Variants in SUSD4 observed in about 807,000 individuals in gnomAD.
SUSD4 encodes sushi domain containing 4.
A neutral mutation model predicts 50.5 loss-of-function variants in SUSD4; 41 were observed. That is an observed-to-expected ratio of 0.81 (90% confidence interval 0.63 to 1.05). The LOEUF is 1.05. SUSD4 is among the 50% of genes least tolerant of loss of function. The probability of loss-of-function intolerance (pLI) is 0.00; values close to 1 mark genes in which losing one functional copy is unlikely to be tolerated. For synonymous variants in SUSD4, 257 were observed against 257.3 expected (o/e 1.00, Z 0.01); for missense variants, 580 against 634.7 (o/e 0.91, Z 0.93).
chr1:223,321,321 T>C (rs189430287), intron 2 of SUSD4, among the ~76,000 whole-genome samples: 1 of 152,334 alleles, frequency 6.6e-6, no homozygotes, highest in East Asian at 1.9e-4. Context: ...TTTCTAGCTG[T>C]GTGACTTGGG....
intron 2 of SUSD4, among the ~76,000 whole-genome samples, chr1:223,357,280 T>C (rs1441236324): frequency 6.6e-6 from 1 of 152,240 alleles, no homozygotes; most frequent in Admixed American, 6.5e-5. Flanking sequence ...TTCTGCTTTT[T>C]GCTCACAACA....
intron 3 of SUSD4, among the ~76,000 whole-genome samples, chr1:223,289,743 A>G (rs984171721): frequency 3.9e-5 from 6 of 152,318 alleles, no homozygotes; most frequent in Middle Eastern, 6.8e-3. Flanking sequence ...CTAAATCGGA[A>G]TGAGGGCTTG....
Position 223,283,376 on chromosome 1 carries a change from A to T in SUSD4, c.361+9063T>A, listed in dbSNP as rs1034265823. Among the ~76,000 whole-genome samples, 12 of 152,338 alleles carry T rather than the reference A, an allele frequency of 7.9e-5. No individual in the cohort carries two copies. The East Asian group carries it at 2.3e-3, about 29-fold the overall frequency. On this transcript the variant is annotated intron_variant, in intron 3 of 8. Transcript: ENST00000366878. ...CTAGAATCTACAAATAAATGAAACAAATTTACAAGAAAAAAACAAACAACC... is the reference window on the plus strand; with the variant it reads ...CTAGAATCTACAAATAAATGAAACATATTTACAAGAAAAAAACAAACAACC...
chr1:223,235,860 A>C (rs982014052), intron 5 of SUSD4, among the ~76,000 whole-genome samples: 10 of 152,298 alleles, frequency 6.6e-5, no homozygotes, highest in Non-Finnish European at 1.2e-4. Context: ...ATAAGTTTTC[A>C]GTTTCTTTGG....
At chr1:223,269,730 C>T (rs1662775747) in intron 3 of SUSD4, among the ~76,000 whole-genome samples, 1 of 152,180 alleles carries the variant, frequency 6.6e-6, no homozygotes, top group Non-Finnish European at 1.5e-5. Flanking sequence ...CCAAGAACAG[C>T]ATTTTGTGAA....
chr1:223,317,850 T>TTC (rs1370880652), intron 2 of SUSD4, among the ~76,000 whole-genome samples: 64 of 104,424 alleles, frequency 6.1e-4, no homozygotes, highest in African/African-American at 1.6e-3. Flanking sequence ...TTTTTTTTTT[T>TTC]CTTTTTTTTT....
chr1:223,228,060 T>C (rs370370658), intron 6 of SUSD4, among the ~76,000 whole-genome samples: 12 of 152,338 alleles, frequency 7.9e-5, no homozygotes, highest in African/African-American at 2.9e-4. Context: ...GGCATCTCTC[T>C]TGCCTGGAGA....
At chr1:223,309,109 T>C (rs1665722620) in intron 2 of SUSD4, among the ~76,000 whole-genome samples, 1 of 152,088 alleles carries the variant, frequency 6.6e-6, no homozygotes, top group Non-Finnish European at 1.5e-5. Flanking sequence ...CAATCAACCA[T>C]CTCTTAACAG....
At chr1:223,249,987 G>A (rs976299950) in intron 5 of SUSD4, among the ~76,000 whole-genome samples, 1 of 152,206 alleles carries the variant, frequency 6.6e-6, no homozygotes, top group Non-Finnish European at 1.5e-5. Context: ...GGATTAATGA[G>A]AGACTCTAGA....
At chr1:223,329,969 G>A (rs1667089211) in intron 2 of SUSD4, among the ~76,000 whole-genome samples, 1 of 152,150 alleles carries the variant, frequency 6.6e-6, no homozygotes, top group African/African-American at 2.4e-5. Context: ...TGAACAAACG[G>A]AAAGATGGAC....
At chr1:223,242,706 T>C (rs554139282) in intron 5 of SUSD4, among the ~76,000 whole-genome samples, 6 of 152,162 alleles carry the variant, frequency 3.9e-5, no homozygotes, top group Admixed American at 1.3e-4. Flanking sequence ...ATCTGTCCGA[T>C]GAAGAAAATA....
At chr1:223,255,786 C>T (rs1403672040) in intron 5 of SUSD4, among the ~76,000 whole-genome samples, 1 of 152,208 alleles carries the variant, frequency 6.6e-6, no homozygotes, top group Non-Finnish European at 1.5e-5. Context: ...TCTTCCTTTT[C>T]TGCCGATTAA....
At position 223,221,931 on chromosome 1, in the gene SUSD4, C is replaced by T. The variant is rs566876571; in HGVS notation, c.*261G>A. On this transcript the variant is annotated 3_prime_UTR_variant, in exon 9 of 9. Coordinates refer to ENST00000366878, the MANE Select transcript of SUSD4 (RefSeq NM_017982.4). The stretch of plus-strand genomic sequence containing the variant: ...CACAGCACGATACACATTTAACACC[C>T]CTCATCCAAGACCACGCGAGGGCTT... 3.4e-4 allele frequency: 154 copies of T among 448,890 alleles called. 2 individuals are homozygous for T. The highest frequency in any genetic ancestry group is 2.9e-3 in the African/African-American group (145 of 49,844). 27.8% of individuals were successfully genotyped at this position (448,890 alleles called of 1,614,324 possible). A position where few individuals can be genotyped will look rare whatever the true frequency, so the allele number is the denominator to read the frequency against.
intron 5 of SUSD4, chr1:223,235,093 T>G: frequency 6.3e-7 from 1 of 1,597,538 alleles, no homozygotes; most frequent in Non-Finnish European, 8.5e-7. Context: ...GATGTTCAGG[T>G]CTTCCTCCTG....
intron 2 of SUSD4, among the ~76,000 whole-genome samples, chr1:223,356,925 T>C (rs1279814747): frequency 6.6e-6 from 1 of 152,190 alleles, no homozygotes; most frequent in Non-Finnish European, 1.5e-5. Context: ...AAACTGTACT[T>C]GTCAAGTGCT....
intron 2 of SUSD4, among the ~76,000 whole-genome samples, chr1:223,351,481 T>G (rs1374928487): frequency 6.6e-6 from 1 of 152,132 alleles, no homozygotes; most frequent in Non-Finnish European, 1.5e-5. Flanking sequence ...CACACCATGA[T>G]TCTAGTGCTC....
At chr1:223,265,431 G>A (rs1441320503) in intron 4 of SUSD4, among the ~76,000 whole-genome samples, 1 of 152,210 alleles carries the variant, frequency 6.6e-6, no homozygotes, top group Non-Finnish European at 1.5e-5. Context: ...ATGATCCGGA[G>A]GGCTTGTTAG....
chr1:223,299,200 C>T (rs1219742391), intron 2 of SUSD4, among the ~76,000 whole-genome samples: 1 of 152,142 alleles, frequency 6.6e-6, no homozygotes, highest in Non-Finnish European at 1.5e-5. Context: ...AATGATCAGC[C>T]CCCTCAAATA....
chr1:223,295,036 A>C (rs1664734269), intron 2 of SUSD4, among the ~76,000 whole-genome samples: 3 of 152,210 alleles, frequency 2.0e-5, no homozygotes, highest in Admixed American at 2.0e-4. Flanking sequence ...GAATATCATG[A>C]ATATTGAAAC....
Sources: gnomAD v4.1 joint callset for allele counts (sites outside exome capture counted in the v4.1 genomes callset) on GRCh38, gnomAD v4.1.1 for gene constraint, MANE v1.5 for transcripts, NCBI Gene and HGNC (gene_info 2026-07-23, HGNC 2026-07-21) for gene names.